ZNF514: variants seen among roughly 807,000 people sequenced by gnomAD.
ZNF514 encodes zinc finger protein 514.
In ZNF514, 12 loss-of-function variants were observed where a neutral mutation model predicts 9.7. The ratio of observed to expected loss-of-function variants is 1.24; its 90% CI spans 0.79 to 2.01. ZNF514 has a LOEUF of 2.01. Among genes scored for constraint, ZNF514 ranks in the 30% most tolerant of loss-of-function variants. The pLI is 0.00. For synonymous variants in ZNF514, 158 were observed against 163.7 expected (o/e 0.97, Z 0.27); for missense variants, 467 against 465.5 (o/e 1.00, Z -0.03).
the ZNF514 span, among the ~76,000 whole-genome samples, chr2:95,127,607 T>C: frequency 6.6e-6 from 1 of 152,150 alleles, no homozygotes; most frequent in Non-Finnish European, 1.5e-5. Context: ...TTTTGTTTTT[T>C]TGTTTTTTGT....
rs950347071 is a variant in ZNF514, at chr2:95,147,477, A to G, written c.*1805T>C. 1 of 152,196 alleles carries G rather than the reference A, an allele frequency of 6.6e-6. No individual in the cohort carries two copies. Among genetic ancestry groups the G allele is most frequent in the Non-Finnish European group, 1.5e-5 (1 of 68,030 alleles). 9.4% of individuals were successfully genotyped at this position (152,196 alleles called of 1,614,324 possible). ...AGAACATTTTCGTCACCCTAAAAAG[A>G]TTCCTTGTAACATTTGCAGTTACTT... On this transcript the variant is annotated 3_prime_UTR_variant, in exon 5 of 5. Transcript: ENST00000295208.
In ZNF514 at chr2:95,146,556, G is replaced by A. The variant is rs548004758; in HGVS notation, c.*2726C>T. On this transcript the variant is annotated 3_prime_UTR_variant, in exon 5 of 5. Transcript: ENST00000295208. ...AAGAGAGCATTTGTGTGCAATGGAG[G>A]CTTCTGTCAGGAGCAGCAGGAGGTT... Among the ~76,000 whole-genome samples the A allele has an allele frequency of 1.3e-5, 2 of 151,592 alleles. No individual in the cohort carries two copies. The highest frequency in any genetic ancestry group is 4.9e-5 in the African/African-American group (2 of 41,214).
rs1321666995 is a variant in ZNF514, at chr2:95,157,404, T to C, written c.-60A>G. The C allele has an allele frequency of 1.6e-6, 2 of 1,289,558 alleles. No homozygotes were observed. Among genetic ancestry groups the C allele is most frequent in the Non-Finnish European group, 2.0e-6 (2 of 988,776 alleles). 79.9% of individuals were successfully genotyped at this position (1,289,558 alleles called of 1,614,324 possible). ...GTTGTTCCCTCTTCTCCTGGGAATC[T>C]CTCTGGAGGAAGAGCAGGATTCTGA... On this transcript the variant is annotated 5_prime_UTR_variant, in exon 2 of 5. Transcript: ENST00000295208.
the ZNF514 span, among the ~76,000 whole-genome samples, chr2:95,136,409 G>C: frequency 6.6e-6 from 1 of 152,038 alleles, no homozygotes; most frequent in Admixed American, 6.5e-5. Context: ...CACCCCACCT[G>C]GCTATTTTTT....
At chr2:95,153,039 C>A in intron 3 of ZNF514, 94 bp downstream of exon 3, 1 of 1,512,780 alleles carries the variant, frequency 6.6e-7, no homozygotes, top group South Asian at 1.3e-5. Context: ...AACCCAGGGC[C>A]AAACTTAGCC....
rs753549569 is a variant in ZNF514 at position 95,159,059 on chromosome 2, G to A, written c.-96+181C>T. On this transcript the variant is annotated intron_variant, in intron 1 of 4. Transcript: ENST00000295208. The stretch of plus-strand genomic sequence containing the variant: ...TCGGCCACAGCCCTGTGGTCCTCCC[G>A]AGGGTTCAGGGAGCGGGACGCAGGC... The A allele has an allele frequency of 7.5e-6, 9 of 1,204,372 alleles. No individual in the cohort carries two copies. The South Asian group carries it at 1.2e-4, about 16-fold the overall frequency. The allele number at this position is 1,204,372 out of a possible 1,614,324, so 74.6% of individuals were successfully genotyped here.
downstream of ZNF514, among the ~76,000 whole-genome samples, chr2:95,144,376 G>A (rs1673313903): frequency 6.6e-6 from 1 of 152,194 alleles, no homozygotes; most frequent in Non-Finnish European, 1.5e-5. Context: ...GTAGGGAGAG[G>A]AGGGGGAGCT....
chr2:95,140,757 C>T (rs774422059), downstream of ZNF514, among the ~76,000 whole-genome samples: 28 of 150,814 alleles, frequency 1.9e-4, no homozygotes, highest in East Asian at 7.9e-4. Flanking sequence ...AGGCAGATCA[C>T]GAGGTCAGGA....
chr2:95,124,020 G>A, the ZNF514 span, among the ~76,000 whole-genome samples: 1 of 152,180 alleles, frequency 6.6e-6, no homozygotes, highest in Admixed American at 6.5e-5. Context: ...CCAGGAAGCT[G>A]ACATCGGTAC....
the ZNF514 span, among the ~76,000 whole-genome samples, chr2:95,134,780 G>T: frequency 6.6e-6 from 1 of 152,088 alleles, no homozygotes; most frequent in Non-Finnish European, 1.5e-5. Context: ...TTGTATATTG[G>T]GTTAGGTAAG....
rs1451073418 is a variant in ZNF514, at chr2:95,149,864, A to G, written c.621T>C (p.Asn207=). Residue 207 remains asparagine, a synonymous_variant, in exon 5 of 5, where the codon AAT becomes AAC. Transcript: ENST00000295208. The part of the protein sequence containing the change: ...THPEKKSCKC[N]ECGKSFHFQS... ...GGAAGTGAAAGGACTTCCCACACTCATTACATTTACAAGATTTCTTTTCTG... is the reference window on the plus strand; with the variant it reads ...GGAAGTGAAAGGACTTCCCACACTCGTTACATTTACAAGATTTCTTTTCTG... 1 of 1,614,100 alleles carries G rather than the reference A, an allele frequency of 6.2e-7. No homozygotes were observed. The highest frequency in any genetic ancestry group is 8.5e-7 in the Non-Finnish European group (1 of 1,180,048).
At chr2:95,156,157 AG>A (rs1272602834) in intron 2 of ZNF514, among the ~76,000 whole-genome samples, 1 of 152,218 alleles carries the variant, frequency 6.6e-6, no homozygotes, top group Admixed American at 6.5e-5. Context: ...ATTCCTTACT[AG>A]GGGGGTTCCC....
intron 4 of ZNF514, among the ~76,000 whole-genome samples, chr2:95,152,041 T>A (rs1176768091): frequency 6.6e-6 from 1 of 152,214 alleles, no homozygotes; most frequent in East Asian, 1.9e-4. Flanking sequence ...GACTGTCACG[T>A]GCCTCCAGTG....
At chr2:95,127,121 T>C in the ZNF514 span, among the ~76,000 whole-genome samples, 1 of 152,220 alleles carries the variant, frequency 6.6e-6, no homozygotes, top group Non-Finnish European at 1.5e-5. Flanking sequence ...GTCACCCTGG[T>C]AAATGGCTAC....
At chr2:95,157,983 C>A (rs750680251) in intron 1 of ZNF514, among the ~76,000 whole-genome samples, 2 of 152,166 alleles carry the variant, frequency 1.3e-5, no homozygotes, top group Non-Finnish European at 2.9e-5. Context: ...CTTGAGAGCT[C>A]CTTCATTATA....
chr2:95,150,272 TAAA>T lies in ZNF514; in HGVS notation c.218-8_218-6del, dbSNP rs34282100. The T allele has an allele frequency of 6.6e-4, 880 of 1,335,648 alleles. No homozygotes were observed. Among genetic ancestry groups the T allele is most frequent in the South Asian group, 1.8e-3 (110 of 59,570 alleles). The allele number at this position is 1,335,648 out of a possible 1,614,324, so 82.7% of individuals were successfully genotyped here. On this transcript the variant is annotated splice_region_variant and splice_polypyrimidine_tract_variant and intron_variant, in intron 4 of 4. Coordinates refer to ENST00000295208, the MANE Select transcript of ZNF514 (RefSeq NM_032788.3). ...ATTTAGACCTTCTCTTCCAGTCTGT[TAAA>T]AAAAAAAAAAAAAAAAGAAGACATT...
chr2:95,152,943 G>A (rs1673584750), intron 3 of ZNF514, among the ~76,000 whole-genome samples, 174 bp from the exon 4 acceptor site: 2 of 152,164 alleles, frequency 1.3e-5, no homozygotes, highest in East Asian at 1.9e-4. Flanking sequence ...ATAAGTAGCT[G>A]GATGTTTCCT....
chr2:95,153,287 C>T (rs1673594988), intron 2 of ZNF514, 28 bp from the exon 3 acceptor site: 26 of 1,594,360 alleles, frequency 1.6e-5, no homozygotes, highest in Non-Finnish European at 2.2e-5. Context: ...CTCCAGTGTC[C>T]ACTTATATGC....
intron 4 of ZNF514, among the ~76,000 whole-genome samples, chr2:95,151,711 G>A (rs191091042): frequency 5.3e-5 from 8 of 152,318 alleles, no homozygotes; most frequent in Admixed American, 1.3e-4. Context: ...GAGAGTTTCT[G>A]AGTCAATAGG....
Sources: gnomAD v4.1 joint callset for allele counts (sites outside exome capture counted in the v4.1 genomes callset) on GRCh38, gnomAD v4.1.1 for gene constraint, MANE v1.5 for transcripts, NCBI Gene and HGNC (gene_info 2026-07-23, HGNC 2026-07-21) for gene names.